Variants in NSG2 observed in about 807,000 individuals in gnomAD.
NSG2 encodes the protein neuronal vesicle trafficking-associated protein 2.
A neutral mutation model predicts 16.9 loss-of-function variants in NSG2; 4 were observed. That is an observed-to-expected ratio of 0.24 (90% CI 0.12 to 0.54). NSG2 has a LOEUF of 0.54. NSG2 is among the 20% of genes least tolerant of loss of function. The pLI is 0.95. For synonymous variants in NSG2, 98 were observed against 88.7 expected (o/e 1.11, Z -0.59); for missense variants, 179 against 221.1 (o/e 0.81, Z 1.21).
At chr5:174,070,997 C>A (rs1349883341) in intron 3 of NSG2, among the ~76,000 whole-genome samples, 1 of 152,232 alleles carries the variant, frequency 6.6e-6, no homozygotes. Context: ...GAATCTGCCT[C>A]ATTAGGCTCT....
At chr5:174,094,639 C>A (rs1182371526) in intron 3 of NSG2, among the ~76,000 whole-genome samples, 1 of 152,170 alleles carries the variant, frequency 6.6e-6, no homozygotes, top group Non-Finnish European at 1.5e-5. Context: ...AGCTTCTCAT[C>A]TTTGAGGGGC....
chr5:174,095,168 G>A (rs923659605), intron 3 of NSG2, among the ~76,000 whole-genome samples: 2 of 152,204 alleles, frequency 1.3e-5, no homozygotes, highest in African/African-American at 2.4e-5. Flanking sequence ...AGCTTTTGAA[G>A]TGCATGCTGA....
intron 3 of NSG2, among the ~76,000 whole-genome samples, chr5:174,096,471 C>T (rs1327222635): frequency 6.6e-6 from 1 of 151,922 alleles, no homozygotes; most frequent in Non-Finnish European, 1.5e-5. Flanking sequence ...CTTGGAGGGC[C>T]AGGGTTGGGG....
intron 2 of NSG2, among the ~76,000 whole-genome samples, chr5:174,063,007 T>A (rs1004941312): frequency 6.6e-5 from 10 of 152,178 alleles, no homozygotes; most frequent in Non-Finnish European, 1.3e-4. Flanking sequence ...TGACTTAGCA[T>A]CTCTGAGCTT....
At chr5:174,097,448 G>A (rs1176321551) in intron 3 of NSG2, among the ~76,000 whole-genome samples, 2 of 151,136 alleles carry the variant, frequency 1.3e-5, no homozygotes, top group African/African-American at 2.4e-5. Context: ...GCTTGTGGAT[G>A]TCTGGGGGGA....
rs371039087 is a variant in NSG2 at position 174,092,581 on chromosome 5, G to A, written c.214-11647G>A. Among the ~76,000 whole-genome samples, 12 of 152,192 alleles carry A rather than the reference G, an allele frequency of 7.9e-5. No homozygotes were observed. In the South Asian group the frequency reaches 1.2e-3, roughly 16 times the overall value. ...GTGGCTTCGTGCTGAGGCGATAGTC[G>A]AACCAAATTCATAAATCCTGCATAA... On this transcript the variant is annotated intron_variant, in intron 3 of 4. Transcript: ENST00000303177.
intron 3 of NSG2, among the ~76,000 whole-genome samples, chr5:174,064,670 G>T (rs1464114134): frequency 6.6e-6 from 1 of 151,724 alleles, no homozygotes; most frequent in African/African-American, 2.4e-5. Flanking sequence ...TTAGTCCTTC[G>T]TTGCAACAAA....
chr5:174,080,135 C>T (rs1391920256), intron 3 of NSG2, among the ~76,000 whole-genome samples: 2 of 152,052 alleles, frequency 1.3e-5, no homozygotes, highest in African/African-American at 4.8e-5. Context: ...CTTCTGTTCT[C>T]TCTTTTCTTC....
intron 3 of NSG2, among the ~76,000 whole-genome samples, chr5:174,075,735 A>G (rs1417020525): frequency 6.6e-6 from 1 of 152,210 alleles, no homozygotes; most frequent in East Asian, 1.9e-4. Flanking sequence ...GCATGATTAT[A>G]TTAAATGTGA....
chr5:174,046,932 T>C, intron 2 of NSG2, 48 bp downstream of exon 2: 2 of 1,595,944 alleles, frequency 1.3e-6, no homozygotes, highest in Non-Finnish European at 1.7e-6. Flanking sequence ...TCCCCCCATC[T>C]CAGGAAATAA....
intron 2 of NSG2, chr5:174,062,653 A>AG (rs1296646252): frequency 1.1e-4 from 16 of 152,038 alleles, no homozygotes; most frequent in African/African-American, 3.9e-4. Flanking sequence ...GAGGTAAGAG[A>AG]GGGTGGGGTG....
intron 3 of NSG2, among the ~76,000 whole-genome samples, chr5:174,081,001 T>G (rs373880406): frequency 5.9e-5 from 9 of 152,194 alleles, no homozygotes; most frequent in African/African-American, 1.9e-4. Context: ...TTTTTTGTTG[T>G]TGATATTGTA....
intron 3 of NSG2, among the ~76,000 whole-genome samples, chr5:174,065,066 C>T (rs370314110): frequency 5.3e-5 from 8 of 152,108 alleles, no homozygotes; most frequent in Non-Finnish European, 8.8e-5. Context: ...CGGCGGCTCA[C>T]GCCTGTAATC....
rs1469754756 is a variant in NSG2 at position 174,108,448 on chromosome 5, C to T, written c.*943C>T. The T allele has an allele frequency of 6.6e-6, 1 of 152,452 alleles. No homozygotes were observed. The highest frequency in any genetic ancestry group is 1.5e-5 in the Non-Finnish European group (1 of 68,188). 9.4% of individuals were successfully genotyped at this position (152,452 alleles called of 1,614,324 possible). A position where few individuals can be genotyped will look rare whatever the true frequency, so the allele number is the denominator to read the frequency against. On this transcript the variant is annotated 3_prime_UTR_variant, in exon 5 of 5. Transcript: ENST00000303177. ...TAAGTTTTTGTTTGTTTGTTGTTTC[C>T]CAAAGTGCTGATAACAATAACAACA...
At position 174,107,627 on chromosome 5, in the gene NSG2, AG is replaced by A. The variant is rs1238539426; in HGVS notation, c.*125del. ...TATGGGGGCGGGGGCGGGGCAGGGC[AG>A]GGTGGGGGGAAGAACGCACCAAAAA... On this transcript the variant is annotated 3_prime_UTR_variant, in exon 5 of 5. Coordinates refer to ENST00000303177, the MANE Select transcript of NSG2 (RefSeq NM_015980.5). This position sits in a 1 kb window ranked among gnomAD's most constrained non-coding sequence, Gnocchi z 4.5. 1 of 409,578 alleles carries A rather than the reference AG, an allele frequency of 2.4e-6. No individual in the cohort carries two copies. Among genetic ancestry groups the A allele is most frequent in the African/African-American group, 2.7e-5 (1 of 37,540 alleles). The allele number at this position is 409,578 out of a possible 1,614,324, so 25.4% of individuals were successfully genotyped here. A position where few individuals can be genotyped will look rare whatever the true frequency, so the allele number is the denominator to read the frequency against.
intron 3 of NSG2, among the ~76,000 whole-genome samples, chr5:174,065,043 T>A (rs1760116659): frequency 6.6e-6 from 1 of 152,266 alleles, no homozygotes; most frequent in Non-Finnish European, 1.5e-5. Flanking sequence ...ATAAGGACAG[T>A]GAGGGCCGGG....
chr5:174,056,500 T>G (rs1393212856), intron 2 of NSG2: 1 of 152,190 alleles, frequency 6.6e-6, no homozygotes, highest in African/African-American at 2.4e-5. Flanking sequence ...TTTCCTCACC[T>G]GAAAAATGGG....
chr5:174,107,429 C>T lies in NSG2; in HGVS notation c.440C>T (p.Ala147Val), dbSNP rs765846192. 6 of 1,613,094 alleles carry T rather than the reference C, an allele frequency of 3.7e-6. 1 individual carries two copies. In the South Asian group the frequency reaches 6.6e-5, roughly 18 times the overall value. Residue 147 changes from alanine (A) to valine (V), a missense_variant, in exon 5 of 5, where the codon GCC becomes GTC. Coordinates refer to ENST00000303177, the MANE Select transcript of NSG2 (RefSeq NM_015980.5). The surrounding 1 kb of genome is among the most constrained non-coding windows in gnomAD (Gnocchi z 4.5). ...SHYSVAKQST[A>V]RAIGPWLSAA... ...TACAGCGTGGCCAAGCAGAGCACTGCCCGGGCCATCGGGCCGTGGCTGTCA... is the reference window on the plus strand; with the variant it reads ...TACAGCGTGGCCAAGCAGAGCACTGTCCGGGCCATCGGGCCGTGGCTGTCA...
chr5:174,086,087 C>A (rs182349304), intron 3 of NSG2, among the ~76,000 whole-genome samples: 44 of 152,176 alleles, frequency 2.9e-4, no homozygotes, highest in Admixed American at 2.2e-3. Flanking sequence ...CCGTTTAACC[C>A]CCTGCCCTGC....
Sources: allele counts gnomAD v4.1 joint callset (sites outside exome capture counted in the v4.1 genomes callset), GRCh38; gene constraint gnomAD v4.1.1; non-coding constraint Gnocchi (gnomAD v3.1); transcripts MANE v1.5; gene names NCBI Gene and HGNC (gene_info 2026-07-23, HGNC 2026-07-21).